GMDS: variants seen among roughly 807,000 people sequenced by gnomAD.
The protein encoded by GMDS is GDP-mannose 4,6-dehydratase.
Under a neutral mutation model 49.9 loss-of-function variants are expected in GMDS, and 20 were observed. The observed-to-expected ratio is 0.40, with a 90% CI of 0.28 to 0.58. GMDS has a LOEUF of 0.58. Ranked by LOEUF, GMDS falls within the 20% of genes least tolerant of loss-of-function variation. The pLI is 0.42. For synonymous variants in GMDS, 177 were observed against 178.6 expected (o/e 0.99, Z 0.07); for missense variants, 362 against 481.4 (o/e 0.75, Z 2.32).
chr6:2,231,925 CTGAACAAATGAAAT>C (rs1011296705), intron 1 of GMDS, among the ~76,000 whole-genome samples: 1 of 152,114 alleles, frequency 6.6e-6, no homozygotes, highest in Non-Finnish European at 1.5e-5. Context: ...ATTTCAGAAT[CTGAACAAATGAAAT>C]TGGACAAATG....
intron 8 of GMDS, among the ~76,000 whole-genome samples, chr6:1,738,120 C>T (rs1767113956): frequency 6.7e-6 from 1 of 149,096 alleles, no homozygotes; most frequent in Non-Finnish European, 1.5e-5. Context: ...ACACACACCA[C>T]ACACCCATAC....
chr6:1,948,479 T>C (rs949700621), intron 6 of GMDS, among the ~76,000 whole-genome samples: 1 of 152,104 alleles, frequency 6.6e-6, no homozygotes, highest in Non-Finnish European at 1.5e-5. Context: ...AAAAAATACA[T>C]GTATCACTTA....
chr6:1,661,990 T>C (rs947380941), intron 9 of GMDS, among the ~76,000 whole-genome samples: 3 of 152,004 alleles, frequency 2.0e-5, no homozygotes, highest in African/African-American at 7.3e-5. Context: ...GAGAACTAGA[T>C]GAAATCCTAC....
intron 1 of GMDS, among the ~76,000 whole-genome samples, chr6:2,227,596 G>A (rs1780874028): frequency 6.6e-6 from 1 of 152,196 alleles, no homozygotes. Context: ...TGTGGAAAAG[G>A]CAAGCACAGC....
intron 4 of GMDS, among the ~76,000 whole-genome samples, chr6:2,066,036 C>CAA (rs750996553): frequency 1.3e-5 from 2 of 152,092 alleles, no homozygotes; most frequent in African/African-American, 2.4e-5. Flanking sequence ...GTCAGGTTAC[C>CAA]CTCAAAGGGA....
intron 8 of GMDS, among the ~76,000 whole-genome samples, chr6:1,729,654 G>A (rs775169034): frequency 2.0e-5 from 3 of 152,336 alleles, no homozygotes; most frequent in Admixed American, 2.0e-4. Context: ...GTGATGTTAC[G>A]ACTTGAAGCA....
intron 9 of GMDS, among the ~76,000 whole-genome samples, chr6:1,719,351 A>T (rs191295859): frequency 4.7e-4 from 71 of 152,324 alleles, no homozygotes; most frequent in African/African-American, 1.6e-3. Context: ...AAGGTGGCGC[A>T]GAGCCCACGG....
chr6:1,909,475 G>C (rs903071154), intron 7 of GMDS, among the ~76,000 whole-genome samples: 2 of 152,188 alleles, frequency 1.3e-5, no homozygotes, highest in Non-Finnish European at 2.9e-5. Context: ...GAAATCCTGG[G>C]ATTCTCCGGG....
At chr6:1,976,132 G>T (rs1406775118) in intron 4 of GMDS, among the ~76,000 whole-genome samples, 2 of 152,186 alleles carry the variant, frequency 1.3e-5, no homozygotes, top group Non-Finnish European at 2.9e-5. Flanking sequence ...AAATAATAAA[G>T]AATATGGATA....
At chr6:1,936,220 T>C (rs1300001854) in intron 6 of GMDS, among the ~76,000 whole-genome samples, 2 of 152,154 alleles carry the variant, frequency 1.3e-5, no homozygotes, top group East Asian at 1.9e-4. Context: ...ACACTAAGAA[T>C]AAAATATCAT....
intron 9 of GMDS, among the ~76,000 whole-genome samples, chr6:1,665,008 C>T (rs562128159): frequency 2.3e-4 from 35 of 152,326 alleles, no homozygotes; most frequent in Non-Finnish European, 1.9e-4. Flanking sequence ...CCACAGAGTA[C>T]GTGTATCTCT....
At chr6:1,671,464 C>T (rs1764419906) in intron 9 of GMDS, among the ~76,000 whole-genome samples, 1 of 152,062 alleles carries the variant, frequency 6.6e-6, no homozygotes, top group Non-Finnish European at 1.5e-5. Flanking sequence ...CAAAAGGCTA[C>T]TCTACTAAAG....
chr6:1,857,527 T>C (rs979135411), intron 7 of GMDS, among the ~76,000 whole-genome samples: 2 of 152,232 alleles, frequency 1.3e-5, no homozygotes, highest in Non-Finnish European at 2.9e-5. Context: ...CAGTAGGGAC[T>C]AACTTGGAAA....
At chr6:1,940,109 G>A (rs1376028898) in intron 6 of GMDS, among the ~76,000 whole-genome samples, 1 of 152,196 alleles carries the variant, frequency 6.6e-6, no homozygotes, top group African/African-American at 2.4e-5. Flanking sequence ...TTTTTCAAAT[G>A]TATATTTCCT....
intron 9 of GMDS, among the ~76,000 whole-genome samples, chr6:1,692,146 C>T (rs1231750524): frequency 6.6e-6 from 1 of 152,268 alleles, no homozygotes; most frequent in Non-Finnish European, 1.5e-5. Context: ...ACTCCAAGTT[C>T]TTCAGCTTTT....
intron 7 of GMDS, among the ~76,000 whole-genome samples, chr6:1,906,732 G>A (rs1760795441): frequency 6.6e-6 from 1 of 152,164 alleles, no homozygotes; most frequent in Non-Finnish European, 1.5e-5. Flanking sequence ...GTGCTAGAGG[G>A]CAGGGAGGGA....
At chr6:1,655,794 C>T (rs1022131893) in intron 9 of GMDS, among the ~76,000 whole-genome samples, 4 of 152,178 alleles carry the variant, frequency 2.6e-5, no homozygotes, top group East Asian at 3.8e-4. Context: ...TGTGAGCCAC[C>T]GCGCCTGGCT....
intron 7 of GMDS, among the ~76,000 whole-genome samples, chr6:1,753,916 C>T (rs1403935445): frequency 6.6e-6 from 1 of 152,006 alleles, no homozygotes; most frequent in Non-Finnish European, 1.5e-5. Flanking sequence ...TACTAAATGC[C>T]CACAGGAGAA....
intron 7 of GMDS, among the ~76,000 whole-genome samples, chr6:1,891,407 T>A (rs549258372): frequency 6.6e-6 from 1 of 152,204 alleles, no homozygotes; most frequent in Non-Finnish European, 1.5e-5. Flanking sequence ...AATGGCTGTG[T>A]CAGAACAAGA....
Sources: allele counts gnomAD v4.1 joint callset (sites outside exome capture counted in the v4.1 genomes callset), GRCh38; gene constraint gnomAD v4.1.1; transcripts MANE v1.5; gene names NCBI Gene and HGNC (gene_info 2026-07-23, HGNC 2026-07-21).